Variants in ARHGAP27 observed in about 807,000 individuals in gnomAD.
ARHGAP27 encodes the protein Rho GTPase activating protein 27.
A neutral mutation model predicts 102.0 loss-of-function variants in ARHGAP27; 53 were observed. That is an observed-to-expected ratio of 0.52 (90% CI 0.42 to 0.65). The LOEUF is 0.65. Among genes scored for constraint, ARHGAP27 ranks in the 30% least tolerant of loss-of-function variants. The pLI is 0.00. For synonymous variants in ARHGAP27, 525 were observed against 542.8 expected, an observed-to-expected ratio of 0.97 and a Z score of 0.46; for missense variants, 1,117 against 1,256.2, an observed-to-expected ratio of 0.89 and a Z score of 1.68.
At chr17:45,414,306 C>T (rs1239087245) in intron 4 of ARHGAP27, among the ~76,000 whole-genome samples, 1 of 152,164 alleles carries the variant, frequency 6.6e-6, no homozygotes, top group Non-Finnish European at 1.5e-5. Flanking sequence ...CCAAGCCAAC[C>T]TCCTCAGCCC....
At chr17:45,425,172 G>T (rs1468736717) in intron 4 of ARHGAP27, among the ~76,000 whole-genome samples, 1 of 151,976 alleles carries the variant, frequency 6.6e-6, no homozygotes, top group East Asian at 1.9e-4. Context: ...GGAGGGAACT[G>T]GGTCAGGTGT....
Position 45,396,977 on chromosome 17 carries a change from G to C in ARHGAP27, c.1890C>G (p.Phe630Leu), listed in dbSNP as rs747832477. 1.2e-6 allele frequency: 2 copies of C among 1,605,324 alleles called. No individual in the cohort carries two copies. The highest frequency in any genetic ancestry group is 1.1e-5 in the South Asian group (1 of 91,092). The change falls in exon 14 of 20, where the codon TTC becomes TTG. Residue 630 changes from phenylalanine to leucine, a missense_variant. By Grantham distance (22) the Phe-to-Leu change is conservative. Transcript: ENST00000685559. ...PEESESSRVD[F>L]GSSERLGSWQ... ...AGCTTCCCAAGCGCTCGCTCGACCCGAAGTCCACTCTGCTGCTCTCGCTCT... is the reference window on the plus strand; with the variant it reads ...AGCTTCCCAAGCGCTCGCTCGACCCCAAGTCCACTCTGCTGCTCTCGCTCT...
At chr17:45,415,426 G>GGAGA (rs2144794585) in intron 4 of ARHGAP27, among the ~76,000 whole-genome samples, 1 of 152,226 alleles carries the variant, frequency 6.6e-6, no homozygotes, top group African/African-American at 2.4e-5. Context: ...CACCGCCTTG[G>GGAGA]GAGAGCCCAG....
chr17:45,424,346 C>G (rs1459737185), intron 4 of ARHGAP27, among the ~76,000 whole-genome samples: 1 of 152,242 alleles, frequency 6.6e-6, no homozygotes, highest in African/African-American at 2.4e-5. Context: ...CCTGTTTCCC[C>G]TTCAATATGA....
chr17:45,412,278 C>T (rs969304435), intron 4 of ARHGAP27, among the ~76,000 whole-genome samples: 2 of 152,176 alleles, frequency 1.3e-5, no homozygotes, highest in Admixed American at 1.3e-4. Context: ...AGGTGATGAC[C>T]ACAGTGGCTC....
intron 4 of ARHGAP27, among the ~76,000 whole-genome samples, chr17:45,428,194 C>T (rs1414688799): frequency 6.6e-6 from 1 of 152,228 alleles, no homozygotes; most frequent in African/African-American, 2.4e-5. Flanking sequence ...GTGGCAGTGC[C>T]CAGCCCCGCC....
intron 11 of ARHGAP27, 129 bp from the exon 12 acceptor site, chr17:45,402,947 G>A: frequency 1.2e-6 from 1 of 819,616 alleles, no homozygotes. Context: ...AGTGCCCCAA[G>A]TGTTCCTGAA....
In ARHGAP27 at chr17:45,430,980, A is replaced by T. The variant is rs1052332883; in HGVS notation, c.-19+641T>A. On this transcript the variant is annotated intron_variant, in intron 3 of 19. Transcript: ENST00000685559. This position sits in a 1 kb window ranked among gnomAD's most constrained non-coding sequence, Gnocchi z 4.4. ...GGTTTCTCTTTCCTTCCCCAGCTGC[A>T]TCACCGCAGACGTGAGCCCGAGCCC... Among the ~76,000 whole-genome samples, 4 of 151,878 alleles carry T rather than the reference A, an allele frequency of 2.6e-5. No individual in the cohort carries two copies. The highest frequency in any genetic ancestry group is 9.7e-5 in the African/African-American group (4 of 41,330).
In ARHGAP27 at chr17:45,405,732, CG is replaced by C. The variant is rs1266392044; in HGVS notation, c.1008del (p.Glu337ArgfsTer10). On this transcript the variant is annotated frameshift_variant, in exon 5 of 20. Transcript: ENST00000685559. LOFTEE classifies it high-confidence loss of function. The stretch of plus-strand genomic sequence containing the variant: ...CCCGGCTGCATCTCCAACTCCTCCT[CG>C]GGCTCGTTCTCGGCCTCGTCCTCCC... The part of the protein sequence containing the change: ...TAWEDEAENE[P>X]EEELEMQPGL... 3.1e-6 allele frequency: 5 copies of C among 1,602,624 alleles called. No homozygotes were observed. Among genetic ancestry groups the C allele is most frequent in the Non-Finnish European group, 4.2e-6 (5 of 1,179,626 alleles).
rs139027396 is a variant in ARHGAP27 at position 45,396,976 on chromosome 17, C to T, written c.1891G>A (p.Gly631Arg). 3.7e-6 allele frequency: 6 copies of T among 1,605,414 alleles called. No individual in the cohort carries two copies. The highest frequency in any genetic ancestry group is 1.6e-4 in the Middle Eastern group (1 of 6,062). Residue 631 changes from glycine to arginine, a missense_variant, in exon 14 of 20, where the codon GGG becomes AGG. Coordinates refer to ENST00000685559, the MANE Select transcript of ARHGAP27 (RefSeq NM_001282290.2). ...EESESSRVDF[G>R]SSERLGSWQE... Reference sequence around the variant, plus strand: ...CAGCTTCCCAAGCGCTCGCTCGACCCGAAGTCCACTCTGCTGCTCTCGCTC... The same window carrying T: ...CAGCTTCCCAAGCGCTCGCTCGACCTGAAGTCCACTCTGCTGCTCTCGCTC...
intron 4 of ARHGAP27, chr17:45,410,558 G>T: frequency 1.5e-6 from 1 of 659,668 alleles, no homozygotes; most frequent in Non-Finnish European, 2.2e-6. Context: ...TGACCAGTGA[G>T]CCGCATCCGA....
At chr17:45,396,311 G>A (rs761140543) in intron 16 of ARHGAP27, 27 bp from the exon 17 acceptor site, 1 of 1,591,792 alleles carries the variant, frequency 6.3e-7, no homozygotes, top group Admixed American at 1.8e-5. Context: ...CGCTGATCCC[G>A]GGTTCAGGGA....
chr17:45,413,001 A>G (rs1367160074), intron 4 of ARHGAP27, among the ~76,000 whole-genome samples: 1 of 46,648 alleles, frequency 2.1e-5, no homozygotes, highest in Non-Finnish European at 3.9e-5. Context: ...TTTTTTTTTA[A>G]TGGAGTCTCA....
At chr17:45,418,792 G>GAGA (rs2048735735) in intron 4 of ARHGAP27, among the ~76,000 whole-genome samples, 2 of 152,058 alleles carry the variant, frequency 1.3e-5, no homozygotes, top group Admixed American at 1.3e-4. Flanking sequence ...GGACCCTGGG[G>GAGA]AGAAGGCAGG....
intron 4 of ARHGAP27, among the ~76,000 whole-genome samples, chr17:45,416,509 C>T (rs558907039): frequency 1.3e-5 from 2 of 150,334 alleles, no homozygotes; most frequent in African/African-American, 4.9e-5. Context: ...GGAGTTGGCT[C>T]CTTGCTATTG....
At chr17:45,425,593 G>GCA in intron 4 of ARHGAP27, 1 of 985,590 alleles carries the variant, frequency 1.0e-6, no homozygotes, top group Non-Finnish European at 1.2e-6. Flanking sequence ...AAGGAATGAG[G>GCA]GCCCCGGGCT....
chr17:45,430,003 A>T lies in ARHGAP27; in HGVS notation c.277T>A (p.Tyr93Asn). The change falls in exon 4 of 20, where the codon TAC becomes AAC. Residue 93 changes from tyrosine to asparagine, a missense_variant. Physicochemically the swap from Tyr to Asn is moderately radical, Grantham distance 143. Transcript: ENST00000685559. This position sits in a 1 kb window ranked among gnomAD's most constrained non-coding sequence, Gnocchi z 4.4. ...GCCGCGCTCACAAACCGGTAGTCGT[A>T]GGCGAGCGGCTCAGGGGCCGCGGGG... is the stretch of plus-strand genomic sequence containing the variant. ...PSPAAPEPLAYDYRFVSAAAT... is the reference protein window; with the variant it reads ...PSPAAPEPLANDYRFVSAAAT... 8.4e-7 allele frequency: 1 copy of T among 1,187,200 alleles called. No individual in the cohort carries two copies. The highest frequency in any genetic ancestry group is 1.0e-6 in the Non-Finnish European group (1 of 961,020). The allele number at this position is 1,187,200 out of a possible 1,614,324, so 73.5% of individuals were successfully genotyped here. A position where few individuals can be genotyped will look rare whatever the true frequency, so the allele number is the denominator to read the frequency against.
At chr17:45,420,950 CAAAA>C (rs201730388) in intron 4 of ARHGAP27, among the ~76,000 whole-genome samples, 1 of 68,804 alleles carries the variant, frequency 1.5e-5, no homozygotes. Flanking sequence ...GACTCCATCT[CAAAA>C]AAAAAAAAAA....
chr17:45,396,270 C>T lies in ARHGAP27; in HGVS notation c.2188G>A (p.Gly730Arg). ...AGGTTTCCACTGATGCGGTACAGCCCGTCGATGTCCAGCCCTGGGCCAGAG... is the reference window on the plus strand; with the variant it reads ...AGGTTTCCACTGATGCGGTACAGCCTGTCGATGTCCAGCCCTGGGCCAGAG... ...AVEARGLDID[G>R]LYRISGNLAT... The change falls in exon 17 of 20, where the codon GGG (glycine) becomes AGG (arginine). Residue 730 changes from glycine to arginine, a missense_variant. Transcript: ENST00000685559. 6.2e-7 allele frequency: 1 copy of T among 1,612,650 alleles called. No homozygotes were observed. The highest frequency in any genetic ancestry group is 8.5e-7 in the Non-Finnish European group (1 of 1,179,452).
Sources: allele counts gnomAD v4.1 joint callset (sites outside exome capture counted in the v4.1 genomes callset), GRCh38; gene constraint gnomAD v4.1.1; non-coding constraint Gnocchi (gnomAD v3.1); transcripts MANE v1.5; gene names NCBI Gene and HGNC (gene_info 2026-07-23, HGNC 2026-07-21).